The following CDC7 variants were observed in gnomAD, a reference collection of about 807,000 sequenced individuals.
The protein encoded by CDC7 is cell division cycle 7.
A neutral mutation model predicts 53.5 loss-of-function variants in CDC7; 34 were observed. That is an observed-to-expected ratio of 0.64 (90% CI 0.48 to 0.85). The LOEUF is 0.85. Ranked by LOEUF, CDC7 falls within the 40% of genes least tolerant of loss-of-function variation. The pLI is 0.00. For missense variants in CDC7, 594 were observed against 679.7 expected (o/e 0.87, Z 1.40); for synonymous variants, 211 against 222.8 (o/e 0.95, Z 0.47).
intron 8 of CDC7, 105 bp from the exon 9 acceptor site, chr1:91,514,714 C>A: frequency 1.3e-6 from 1 of 775,078 alleles, no homozygotes; most frequent in Non-Finnish European, 2.0e-6. Flanking sequence ...AGCCATTCAG[C>A]AGTTTTTAAA....
At chr1:91,518,242 G>A (rs13447530) in intron 10 of CDC7, among the ~76,000 whole-genome samples, 3,239 of 150,890 alleles carry the variant, frequency 0.021, 118 homozygotes, top group East Asian at 0.16. Context: ...TGAGCTAGTC[G>A]TAATCTTTAA....
chr1:91,518,802 A>G (rs1667742379), intron 10 of CDC7, among the ~76,000 whole-genome samples: 1 of 152,020 alleles, frequency 6.6e-6, no homozygotes, highest in African/African-American at 2.4e-5. Flanking sequence ...ATAAAGAATG[A>G]ATTATCCAGC....
At chr1:91,511,198 G>C (rs895260805) in intron 4 of CDC7, among the ~76,000 whole-genome samples, 3 of 152,098 alleles carry the variant, frequency 2.0e-5, no homozygotes, top group African/African-American at 7.2e-5. Flanking sequence ...GTAACATAGT[G>C]ATTAAGAACA....
Position 91,513,969 on chromosome 1 carries a change from G to A in CDC7, c.844G>A (p.Val282Ile), listed in dbSNP as rs1358511092. 6.2e-7 allele frequency: 1 copy of A among 1,612,004 alleles called. No homozygotes were observed. Among genetic ancestry groups the A allele is most frequent in the Admixed American group, 1.7e-5 (1 of 59,978 alleles). ...GTAGGAGGGATCTGTAGGCCTTTCT[G>A]TCCAGCGCTCTGTTTTTGGAGAAAG... ...DGKEGSVGLS[V>I]QRSVFGERNF... Residue 282 changes from valine to isoleucine, a missense_variant, in exon 8 of 12, where the codon GTC becomes ATC. By Grantham distance (29) the Val-to-Ile change is conservative. Coordinates refer to ENST00000234626, the MANE Select transcript of CDC7 (RefSeq NM_003503.4).
Position 91,500,907 on chromosome 1 carries a change from C to G in CDC7, c.-105C>G, listed in dbSNP as rs960743351. 1.3e-5 allele frequency: 2 copies of G among 152,258 alleles called. No individual in the cohort carries two copies. Among genetic ancestry groups the G allele is most frequent in the African/African-American group, 4.8e-5 (2 of 41,470 alleles). The allele number at this position is 152,258 out of a possible 1,614,324, so 9.4% of individuals were successfully genotyped here. A position where few individuals can be genotyped will look rare whatever the true frequency, so the allele number is the denominator to read the frequency against. On this transcript the variant is annotated 5_prime_UTR_variant, in exon 1 of 12. Transcript: ENST00000234626. ...GTGGGGATCTCTTGGAGACGGCGAC[C>G]CAGGCATCTGGGGAGCCACAGAAGT...
chr1:91,511,562 T>G lies in CDC7; in HGVS notation c.336-35T>G, dbSNP rs754546437. On this transcript the variant is annotated intron_variant, in intron 4 of 11. Transcript: ENST00000234626. Reference sequence around the variant, plus strand: ...CATAAAGTTTCAGTCCCTCTGACCTTTCTTCTAAAAGTTCCTTGTGCATTT... The same window carrying G: ...CATAAAGTTTCAGTCCCTCTGACCTGTCTTCTAAAAGTTCCTTGTGCATTT... The G allele has an allele frequency of 4.3e-6, 6 of 1,392,166 alleles. No individual in the cohort carries two copies. In the Admixed American group the frequency reaches 1.1e-4, roughly 26 times the overall value. 86.2% of individuals were successfully genotyped at this position (1,392,166 alleles called of 1,614,324 possible).
intron 10 of CDC7, 88 bp downstream of exon 10, chr1:91,515,964 T>C (rs2102378727): frequency 1.8e-6 from 2 of 1,084,228 alleles, no homozygotes; most frequent in Non-Finnish European, 2.8e-6. Flanking sequence ...TTATAACTAA[T>C]ATTTGAGTTC....
intron 4 of CDC7, among the ~76,000 whole-genome samples, chr1:91,511,359 A>G (rs1222483870): frequency 6.6e-6 from 1 of 152,070 alleles, no homozygotes; most frequent in Non-Finnish European, 1.5e-5. Context: ...CCCAGTCACA[A>G]CTATAATTAC....
intron 2 of CDC7, among the ~76,000 whole-genome samples, chr1:91,505,372 C>T (rs1302397780): frequency 6.6e-6 from 1 of 152,114 alleles, no homozygotes; most frequent in Non-Finnish European, 1.5e-5. Context: ...GGTGACTTAG[C>T]TTTATCAGAA....
At chr1:91,516,539 C>T (rs1385822356) in intron 10 of CDC7, among the ~76,000 whole-genome samples, 1 of 151,944 alleles carries the variant, frequency 6.6e-6, no homozygotes, top group African/African-American at 2.4e-5. Flanking sequence ...ATAAATGAGA[C>T]CATCTGTTCA....
chr1:91,516,350 G>A (rs1399816056), intron 10 of CDC7, among the ~76,000 whole-genome samples: 2 of 152,124 alleles, frequency 1.3e-5, no homozygotes, highest in Non-Finnish European at 2.9e-5. Flanking sequence ...TATAATAGCA[G>A]TTAGAAGGTT....
chr1:91,509,591 G>A (rs978972920), intron 4 of CDC7, among the ~76,000 whole-genome samples: 3 of 152,094 alleles, frequency 2.0e-5, no homozygotes, highest in Admixed American at 1.3e-4. Flanking sequence ...TACCTCAGAT[G>A]AAGCCTAGAC....
Position 91,508,349 on chromosome 1 carries a change from G to A in CDC7, c.287G>A (p.Ser96Asn), listed in dbSNP as rs1481460254. The stretch of plus-strand genomic sequence containing the variant: ...GCTCTAAAACACTTGATTCCAACAA[G>A]TCATCCTATAAGAATTGCAGCTGAA... ...KIALKHLIPTSHPIRIAAELQ... is the reference protein window; with the variant it reads ...KIALKHLIPTNHPIRIAAELQ... Residue 96 changes from serine to asparagine, a missense_variant, in exon 4 of 12, where the codon AGT becomes AAT. Coordinates refer to ENST00000234626, the MANE Select transcript of CDC7 (RefSeq NM_003503.4). 1 of 1,612,648 alleles carries A rather than the reference G, an allele frequency of 6.2e-7. No individual in the cohort carries two copies. Among genetic ancestry groups the A allele is most frequent in the Admixed American group, 1.7e-5 (1 of 59,922 alleles).
In CDC7 at chr1:91,525,508, TC is replaced by T. The variant is rs1162140664; in HGVS notation, c.*1075del. On this transcript the variant is annotated 3_prime_UTR_variant, in exon 12 of 12. Transcript: ENST00000234626. The stretch of plus-strand genomic sequence containing the variant: ...TATATCAATGACAGCATATCAAACT[TC>T]CTATGGGAAAAAGTCTGGTGGGTGG... 1.3e-5 allele frequency: 2 copies of T among 152,126 alleles called. No individual in the cohort carries two copies. Among genetic ancestry groups the T allele is most frequent in the African/African-American group, 2.4e-5 (1 of 41,444 alleles). The allele number at this position is 152,126 out of a possible 1,614,324, so 9.4% of individuals were successfully genotyped here.
intron 10 of CDC7, among the ~76,000 whole-genome samples, chr1:91,517,029 C>T (rs371754158): frequency 6.6e-6 from 1 of 152,132 alleles, no homozygotes; most frequent in Admixed American, 6.5e-5. Context: ...CGCACCATTG[C>T]CCTCCAACCT....
At position 91,513,112 on chromosome 1, in the gene CDC7, G is replaced by C. The variant is rs56327502; in HGVS notation, c.627G>C (p.Glu209Asp). The C allele has an allele frequency of 1.1e-4, 176 of 1,613,458 alleles. No homozygotes were observed. The East Asian group carries it at 2.5e-3, about 23-fold the overall frequency. Residue 209 changes from glutamate to aspartate, a missense_variant, in exon 7 of 12, where the codon GAG (glutamate) becomes GAC (aspartate). Physicochemically the swap from Glu to Asp is conservative, Grantham distance 45. Transcript: ENST00000234626. ...AAGGAACCCATGATACGAAAATAGA[G>C]CTTCTTAAATTTGTCCAGTCTGAAG... ...LAQGTHDTKI[E>D]LLKFVQSEAQ...
rs1213326468 is a variant in CDC7, at chr1:91,513,286, T to C, written c.801T>C (p.Ile267=). The part of the protein sequence containing the change: ...KRPYTNAQIQ[I]KQGKDGKEGS... The stretch of plus-strand genomic sequence containing the variant: ...CCTACACAAATGCACAAATTCAGAT[T>C]AAACAAGGAAAAGACGGAAAGGTTC... Residue 267 remains isoleucine (I), a synonymous_variant, in exon 7 of 12, where the codon ATT becomes ATC. Coordinates refer to ENST00000234626, the MANE Select transcript of CDC7 (RefSeq NM_003503.4). 6.2e-7 allele frequency: 1 copy of C among 1,612,982 alleles called. No individual in the cohort carries two copies. The highest frequency in any genetic ancestry group is 2.2e-5 in the East Asian group (1 of 44,886).
At chr1:91,521,731 T>C (rs1349601121) in intron 11 of CDC7, among the ~76,000 whole-genome samples, 9 of 152,190 alleles carry the variant, frequency 5.9e-5, no homozygotes, top group Admixed American at 5.2e-4. Flanking sequence ...TTGAAGAGCT[T>C]GAATCTCCCC....
At chr1:91,515,735 T>A in intron 9 of CDC7, 59 bp from the exon 10 acceptor site, 5 of 1,595,132 alleles carry the variant, frequency 3.1e-6, no homozygotes, top group Non-Finnish European at 3.4e-6. Context: ...TGAATGTTAT[T>A]TTTTAGACTT....
Sources: gnomAD v4.1 joint callset for allele counts (sites outside exome capture counted in the v4.1 genomes callset) on GRCh38, gnomAD v4.1.1 for gene constraint, MANE v1.5 for transcripts, NCBI Gene and HGNC (gene_info 2026-07-23, HGNC 2026-07-21) for gene names.